The following SQOR variants were observed in gnomAD, a reference collection of about 807,000 sequenced individuals.
The protein encoded by SQOR is sulfide quinone oxidoreductase.
Under a neutral mutation model 48.6 loss-of-function variants are expected in SQOR, and 39 were observed. The observed-to-expected ratio is 0.80, with a 90% CI of 0.62 to 1.05. SQOR has a LOEUF of 1.05. Ranked by LOEUF, SQOR falls within the 50% of genes least tolerant of loss-of-function variation. The pLI, the probability that SQOR is intolerant of heterozygous loss-of-function variation, is 0.00. For synonymous variants in SQOR, 220 were observed against 206.2 expected (o/e 1.07, Z -0.57); for missense variants, 561 against 559.9 (o/e 1.00, Z -0.02).
Position 45,682,654 on chromosome 15 carries a change from T to C in SQOR, c.1041T>C (p.Ala347=). The C allele has an allele frequency of 6.2e-7, 1 of 1,613,694 alleles. No homozygotes were observed. The highest frequency in any genetic ancestry group is 8.5e-7 in the Non-Finnish European group (1 of 1,179,664). The change falls in exon 7 of 10, where the codon GCT becomes GCC. Residue 347 remains alanine (A), a synonymous_variant. Transcript: ENST00000260324. ...ACCTTCCTACGTCAAAGACCGCTGC[T>C]GCAGTAGGTAAGTCAACCAGCTCCA... ...CTNLPTSKTA[A]AVAAQSGILD... is the part of the protein sequence containing the mutation.
intron 1 of SQOR, among the ~76,000 whole-genome samples, chr15:45,658,412 C>T (rs976936100): frequency 3.9e-5 from 6 of 152,148 alleles, no homozygotes; most frequent in Admixed American, 6.5e-5. Context: ...TCTTGCTAGA[C>T]GGTTTCTGTT....
In SQOR at chr15:45,689,386, C is replaced by T. The variant is rs1890281150; in HGVS notation, c.1295+169C>T. On this transcript the variant is annotated intron_variant, in intron 9 of 9. Coordinates refer to ENST00000260324, the MANE Select transcript of SQOR (RefSeq NM_021199.4). ...AAATAATAATAGTAAATCACTTTCA[C>T]ATACCAAGTACTCTATCATCTGCTA... is the stretch of plus-strand genomic sequence containing the variant. The T allele has an allele frequency of 7.4e-6, 4 of 543,632 alleles. No homozygotes were observed. In the East Asian group the frequency reaches 1.3e-4, roughly 17 times the overall value. The allele number at this position is 543,632 out of a possible 1,614,324, so 33.7% of individuals were successfully genotyped here. A position where few individuals can be genotyped will look rare whatever the true frequency, so the allele number is the denominator to read the frequency against.
At chr15:45,669,038 A>G (rs989419143) in intron 3 of SQOR, among the ~76,000 whole-genome samples, 8 of 151,890 alleles carry the variant, frequency 5.3e-5, no homozygotes, top group Non-Finnish European at 2.9e-5. Flanking sequence ...CAATCTCCCA[A>G]TTACGATATT....
chr15:45,655,764 AC>A (rs1256984967), intron 1 of SQOR, among the ~76,000 whole-genome samples: 2 of 151,156 alleles, frequency 1.3e-5, no homozygotes, highest in Non-Finnish European at 2.9e-5. Context: ...GCTTACTGCA[AC>A]CTTCGCCTCA....
chr15:45,634,867 C>G (rs1420847935), upstream of SQOR: 1 of 152,266 alleles, frequency 6.6e-6, no homozygotes, highest in East Asian at 1.9e-4. Flanking sequence ...GTTCCTGGTT[C>G]TGTGCCCCGT....
rs1890142534 is a variant in SQOR at position 45,682,542 on chromosome 15, C to T, written c.929C>T (p.Ala310Val). ...GATGTCCTCAAGACCAGTCCTGTGG[C>T]TGATGCTGCTGGTTGGGTGGATGTG... ...PPDVLKTSPV[A>V]DAAGWVDVDK... The change falls in exon 7 of 10, where the codon GCT becomes GTT. Residue 310 changes from alanine (A) to valine (V), a missense_variant. By Grantham distance (64) the Ala-to-Val change is moderately conservative. Transcript: ENST00000260324. 1 of 1,614,082 alleles carries T rather than the reference C, an allele frequency of 6.2e-7. No individual in the cohort carries two copies. Among genetic ancestry groups the T allele is most frequent in the African/African-American group, 1.3e-5 (1 of 74,942 alleles).
intron 1 of SQOR, among the ~76,000 whole-genome samples, 168 bp downstream of exon 1, chr15:45,635,276 C>A (rs1192591179): frequency 6.6e-6 from 1 of 152,242 alleles, no homozygotes; most frequent in Non-Finnish European, 1.5e-5. Context: ...ACTCCGGACA[C>A]CTGCAGCTCT....
At position 45,659,101 on chromosome 15, in the gene SQOR, G is replaced by A. The variant is rs1889671292; in HGVS notation, c.178G>A (p.Ala60Thr). ...GGGCAGTGGCGGAATCACCATGGCT[G>A]CCCGCATGAAGAGGAAAGTGGGTGC... ...GGGSGGITMAARMKRKVGAEN... is the reference protein window; with the variant it reads ...GGGSGGITMATRMKRKVGAEN... Residue 60 changes from alanine to threonine, a missense_variant, in exon 2 of 10, where the codon GCC becomes ACC. Physicochemically the swap from Ala to Thr is moderately conservative, Grantham distance 58. Transcript: ENST00000260324. The A allele has an allele frequency of 1.3e-6, 2 of 1,583,478 alleles. No individual in the cohort carries two copies. Among genetic ancestry groups the A allele is most frequent in the Non-Finnish European group, 1.7e-6 (2 of 1,163,648 alleles).
intron 1 of SQOR, among the ~76,000 whole-genome samples, chr15:45,651,617 G>A (rs537081043): frequency 7.2e-5 from 11 of 152,314 alleles, no homozygotes; most frequent in African/African-American, 2.4e-4. Context: ...GTGCCACTAT[G>A]CCCGTCTAAT....
intron 6 of SQOR, among the ~76,000 whole-genome samples, chr15:45,679,696 T>G (rs756852972): frequency 2.0e-5 from 3 of 152,208 alleles, no homozygotes; most frequent in Non-Finnish European, 4.4e-5. Context: ...ATAAGCAAAC[T>G]AAAGACCAAA....
chr15:45,655,583 A>G (rs1035031083), intron 1 of SQOR, among the ~76,000 whole-genome samples: 1 of 152,200 alleles, frequency 6.6e-6, no homozygotes, highest in Non-Finnish European at 1.5e-5. Context: ...TACAAAGAAG[A>G]GGGAAAATAA....
At chr15:45,652,638 C>CTT (rs757986564) in intron 1 of SQOR, among the ~76,000 whole-genome samples, 7,212 of 60,208 alleles carry the variant, frequency 0.12, 2,095 homozygotes, top group East Asian at 0.28. Context: ...CGTGAGCCTC[C>CTT]TTTTTTTTTT....
chr15:45,686,914 A>G (rs1479959136), intron 7 of SQOR, among the ~76,000 whole-genome samples: 1 of 152,136 alleles, frequency 6.6e-6, no homozygotes, highest in South Asian at 2.1e-4. Flanking sequence ...GATTCAATCT[A>G]TTCTTGTGCC....
At chr15:45,650,934 G>T (rs969175756) in intron 1 of SQOR, among the ~76,000 whole-genome samples, 11 of 152,236 alleles carry the variant, frequency 7.2e-5, no homozygotes, top group African/African-American at 2.7e-4. Context: ...CCTGACTCAG[G>T]AGCCCAGCTG....
intron 1 of SQOR, among the ~76,000 whole-genome samples, chr15:45,647,255 A>C (rs952304662): frequency 4.6e-5 from 7 of 152,018 alleles, no homozygotes; most frequent in South Asian, 2.1e-4. Flanking sequence ...TTAGAAAAAA[A>C]CAAAACAAAA....
chr15:45,659,188 G>T, intron 2 of SQOR, 31 bp downstream of exon 2: 1 of 1,459,814 alleles, frequency 6.9e-7, no homozygotes, highest in South Asian at 1.4e-5. Context: ...GCCTGGGTGT[G>T]TGTGTACGTG....
At chr15:45,675,790 G>A (rs949925575) in intron 5 of SQOR, among the ~76,000 whole-genome samples, 2 of 152,168 alleles carry the variant, frequency 1.3e-5, no homozygotes, top group Non-Finnish European at 1.5e-5. Context: ...TTGAGTAAAT[G>A]AATACATGAA....
At chr15:45,660,069 G>A (rs529955265) in intron 2 of SQOR, among the ~76,000 whole-genome samples, 3 of 152,338 alleles carry the variant, frequency 2.0e-5, no homozygotes, top group Admixed American at 6.5e-5. Context: ...TGAGTAAGGC[G>A]CTGTCTCACA....
At chr15:45,680,372 G>A (rs927486941) in intron 6 of SQOR, among the ~76,000 whole-genome samples, 1 of 151,858 alleles carries the variant, frequency 6.6e-6, no homozygotes, top group Non-Finnish European at 1.5e-5. Context: ...GGGATTACAG[G>A]TGTGAGCCAC....
Sources: gnomAD v4.1 joint callset for allele counts (sites outside exome capture counted in the v4.1 genomes callset) on GRCh38, gnomAD v4.1.1 for gene constraint, MANE v1.5 for transcripts, NCBI Gene and HGNC (gene_info 2026-07-23, HGNC 2026-07-21) for gene names.